RANBP10: variants seen among roughly 807,000 people sequenced by gnomAD.
The protein encoded by RANBP10 is RAN binding protein 10.
A neutral mutation model predicts 72.8 loss-of-function variants in RANBP10; 24 were observed. The ratio of observed to expected loss-of-function variants is 0.33; its 90% CI spans 0.24 to 0.46. The LOEUF (loss-of-function observed/expected upper bound fraction) is 0.46, where lower values mean the gene tolerates loss of function less well. Ranked by LOEUF, RANBP10 falls within the 20% of genes least tolerant of loss-of-function variation. The pLI, the probability that RANBP10 is intolerant of heterozygous loss-of-function variation, is 1.00. For synonymous variants in RANBP10, 310 were observed against 322.3 expected, an observed-to-expected ratio of 0.96 and a Z score of 0.41; for missense variants, 679 against 817.5, an observed-to-expected ratio of 0.83 and a Z score of 2.07.
intron 3 of RANBP10, among the ~76,000 whole-genome samples, chr16:67,769,021 A>G (rs976638075): frequency 7.2e-5 from 11 of 152,210 alleles, no homozygotes; most frequent in African/African-American, 2.7e-4. Context: ...TGATCTATAC[A>G]TATACAAGTA....
At chr16:67,788,855 C>T (rs2054971115) in intron 2 of RANBP10, among the ~76,000 whole-genome samples, 1 of 151,182 alleles carries the variant, frequency 6.6e-6, no homozygotes. Flanking sequence ...CAAAAATTAG[C>T]CAGGTGTGGT....
chr16:67,750,521 G>C (rs2054173595), intron 3 of RANBP10, among the ~76,000 whole-genome samples: 1 of 152,132 alleles, frequency 6.6e-6, no homozygotes, highest in East Asian at 1.9e-4. Context: ...TGAGCTCCTT[G>C]GTACAGGGGC....
intron 2 of RANBP10, among the ~76,000 whole-genome samples, chr16:67,773,893 C>T (rs1395375262): frequency 6.6e-5 from 10 of 152,238 alleles, no homozygotes; most frequent in Admixed American, 6.5e-4. Context: ...CAGAAACACA[C>T]AAACTGCCTG....
intron 2 of RANBP10, among the ~76,000 whole-genome samples, chr16:67,781,788 G>A (rs2054816539): frequency 6.6e-6 from 1 of 152,168 alleles, no homozygotes; most frequent in Admixed American, 6.6e-5. Flanking sequence ...AGAGAGAAGA[G>A]GGCAGCAAAT....
At chr16:67,745,357 CAG>C (rs1248104514) in intron 3 of RANBP10, among the ~76,000 whole-genome samples, 1 of 151,490 alleles carries the variant, frequency 6.6e-6, no homozygotes, top group Non-Finnish European at 1.5e-5. Context: ...TTTTTTGAGA[CAG>C]AGTCTCCCTC....
chr16:67,728,044 A>G, intron 11 of RANBP10, 148 bp from the exon 12 acceptor site: 1 of 846,584 alleles, frequency 1.2e-6, no homozygotes, highest in Non-Finnish European at 1.8e-6. Context: ...GCTACAGTCA[A>G]GGCGTTCTTC....
At position 67,805,544 on chromosome 16, in the gene RANBP10, C is replaced by G; in HGVS notation, c.236-5G>C. Reference sequence around the variant, plus strand: ...CTTTGTGATTTTTGCCATGACCTAACAGGAGAGGGCAAGTAAGAAATTTCA... The same window carrying G: ...CTTTGTGATTTTTGCCATGACCTAAGAGGAGAGGGCAAGTAAGAAATTTCA... On this transcript the variant is annotated splice_region_variant and splice_polypyrimidine_tract_variant and intron_variant, in intron 1 of 13. Transcript: ENST00000317506. The G allele has an allele frequency of 6.2e-7, 1 of 1,611,792 alleles. No individual in the cohort carries two copies. Among genetic ancestry groups the G allele is most frequent in the South Asian group, 1.1e-5 (1 of 90,692 alleles).
At chr16:67,755,683 CAAAAAAAAAAA>C (rs58929828) in intron 3 of RANBP10, among the ~76,000 whole-genome samples, 1 of 54,370 alleles carries the variant, frequency 1.8e-5, no homozygotes, top group African/African-American at 6.6e-5. Flanking sequence ...GACTCTGCCT[CAAAAAAAAAAA>C]AAAAAAAAAA....
chr16:67,761,264 G>C (rs938713158), intron 3 of RANBP10, among the ~76,000 whole-genome samples: 2 of 152,202 alleles, frequency 1.3e-5, no homozygotes, highest in Non-Finnish European at 2.9e-5. Context: ...GAGCACCACA[G>C]CCTCACTGGA....
intron 4 of RANBP10, among the ~76,000 whole-genome samples, chr16:67,743,548 G>A (rs1008772806): frequency 2.6e-5 from 4 of 152,112 alleles, no homozygotes; most frequent in Admixed American, 6.5e-5. Context: ...GGGATCCCAC[G>A]GGCCCCATCC....
intron 4 of RANBP10, among the ~76,000 whole-genome samples, chr16:67,741,632 G>A (rs770960809): frequency 6.6e-6 from 1 of 152,178 alleles, no homozygotes; most frequent in African/African-American, 2.4e-5. Flanking sequence ...CAGTATCTCC[G>A]TTCACTCATT....
At chr16:67,748,679 G>T (rs936711953) in intron 3 of RANBP10, among the ~76,000 whole-genome samples, 8 of 152,142 alleles carry the variant, frequency 5.3e-5, no homozygotes, top group African/African-American at 1.9e-4. Flanking sequence ...TAGAAAAGGG[G>T]AGAGGGGAGT....
At chr16:67,797,350 C>G (rs1194802667) in intron 2 of RANBP10, among the ~76,000 whole-genome samples, 2 of 152,212 alleles carry the variant, frequency 1.3e-5, no homozygotes, top group Non-Finnish European at 2.9e-5. Context: ...TAGCAACATA[C>G]AGTGAGGAGG....
chr16:67,750,112 A>G (rs571626667), intron 3 of RANBP10, among the ~76,000 whole-genome samples: 12 of 152,158 alleles, frequency 7.9e-5, no homozygotes, highest in Non-Finnish European at 1.3e-4. Context: ...GGGGTCTGGG[A>G]TGCCAGGAGG....
At chr16:67,793,031 C>G (rs965916683) in intron 2 of RANBP10, among the ~76,000 whole-genome samples, 2 of 152,056 alleles carry the variant, frequency 1.3e-5, no homozygotes, top group African/African-American at 4.8e-5. Flanking sequence ...AAGTACCAAA[C>G]CTTGACTTTC....
intron 2 of RANBP10, among the ~76,000 whole-genome samples, chr16:67,789,870 A>AC (rs1304623902): frequency 4.6e-5 from 7 of 152,000 alleles, no homozygotes; most frequent in African/African-American, 1.7e-4. Context: ...AGGCCAAGAC[A>AC]GGCGGATCAC....
At chr16:67,745,427 C>G (rs528662659) in intron 3 of RANBP10, among the ~76,000 whole-genome samples, 1 of 151,936 alleles carries the variant, frequency 6.6e-6, no homozygotes, top group Non-Finnish European at 1.5e-5. Context: ...CTCTGCCTCC[C>G]AGGTTCAAGT....
At chr16:67,747,350 A>C (rs1303653345) in intron 3 of RANBP10, among the ~76,000 whole-genome samples, 1 of 152,136 alleles carries the variant, frequency 6.6e-6, no homozygotes, top group African/African-American at 2.4e-5. Context: ...CTGTTTTTTC[A>C]AATTTTTAAC....
At chr16:67,805,700 C>T (rs2151169159) in intron 1 of RANBP10, among the ~76,000 whole-genome samples, 161 bp from the exon 2 acceptor site, 1 of 152,344 alleles carries the variant, frequency 6.6e-6, no homozygotes. Context: ...ACACTTAAAC[C>T]TTCCACCTTT....
Sources: allele counts gnomAD v4.1 joint callset (sites outside exome capture counted in the v4.1 genomes callset), GRCh38; gene constraint gnomAD v4.1.1; transcripts MANE v1.5; gene names NCBI Gene and HGNC (gene_info 2026-07-23, HGNC 2026-07-21).